Variants in SHISA9 observed in about 807,000 individuals in gnomAD.
SHISA9 encodes the protein protein shisa-9.
In SHISA9, 13 loss-of-function variants were observed where a neutral mutation model predicts 38.0. The ratio of observed to expected loss-of-function variants is 0.34; its 90% CI spans 0.22 to 0.54. The LOEUF (loss-of-function observed/expected upper bound fraction) is 0.54. Ranked by LOEUF, SHISA9 falls within the 20% of genes least tolerant of loss-of-function variation. The pLI, the probability that SHISA9 is intolerant of heterozygous loss-of-function variation, is 0.91. For missense variants in SHISA9, 538 were observed against 575.8 expected (o/e 0.93, Z 0.67); for synonymous variants, 275 against 242.0 (o/e 1.14, Z -1.27).
At chr16:12,939,354 G>A (rs1186164759) in intron 2 of SHISA9, among the ~76,000 whole-genome samples, 1 of 152,182 alleles carries the variant, frequency 6.6e-6, no homozygotes, top group Non-Finnish European at 1.5e-5. Context: ...AAAGTGCTGG[G>A]ATTATAGGAG....
At chr16:12,956,669 C>CA (rs2071839267) in intron 2 of SHISA9, among the ~76,000 whole-genome samples, 1 of 152,072 alleles carries the variant, frequency 6.6e-6, no homozygotes, top group Non-Finnish European at 1.5e-5. Flanking sequence ...GGGAGGTAAA[C>CA]AATGGGTAGA....
At chr16:13,512,017 T>C in the SHISA9 span, among the ~76,000 whole-genome samples, 1 of 151,998 alleles carries the variant, frequency 6.6e-6, no homozygotes, top group South Asian at 2.1e-4. Flanking sequence ...GGAGAGTACT[T>C]AGAAGGGAAC....
At chr16:13,408,575 C>T in the SHISA9 span, among the ~76,000 whole-genome samples, 1 of 152,168 alleles carries the variant, frequency 6.6e-6, no homozygotes, top group Admixed American at 6.5e-5. Flanking sequence ...CTCTCAGCTT[C>T]ACAATTCATT....
chr16:13,473,075 T>G, the SHISA9 span, among the ~76,000 whole-genome samples: 13 of 152,330 alleles, frequency 8.5e-5, no homozygotes, highest in East Asian at 1.2e-3. Context: ...AATTATGCCT[T>G]GTTGGATTCT....
downstream of SHISA9, among the ~76,000 whole-genome samples, chr16:13,243,421 A>G (rs1253369306): frequency 6.6e-6 from 1 of 152,122 alleles, no homozygotes; most frequent in Non-Finnish European, 1.5e-5. Flanking sequence ...GGTTTGGTCC[A>G]GAAAGGCAGG....
chr16:13,460,425 C>A, the SHISA9 span, among the ~76,000 whole-genome samples: 5 of 152,162 alleles, frequency 3.3e-5, no homozygotes, highest in African/African-American at 1.2e-4. Flanking sequence ...CATATTAGCT[C>A]CACTTTACAG....
chr16:13,145,089 T>A (rs2050435374), intron 2 of SHISA9, among the ~76,000 whole-genome samples: 1 of 152,214 alleles, frequency 6.6e-6, no homozygotes, highest in African/African-American at 2.4e-5. Context: ...ATGTGTTCCT[T>A]GCCAGGTGGC....
chr16:13,437,808 A>G, the SHISA9 span, among the ~76,000 whole-genome samples: 1 of 137,542 alleles, frequency 7.3e-6, no homozygotes, highest in Non-Finnish European at 1.6e-5. Context: ...AGGCTTGACA[A>G]TTCCAAGTGG....
chr16:12,983,825 T>G (rs1426479404), intron 2 of SHISA9, among the ~76,000 whole-genome samples: 1 of 152,216 alleles, frequency 6.6e-6, no homozygotes, highest in East Asian at 1.9e-4. Flanking sequence ...TTCACCCTTT[T>G]GAGCTCTGTC....
the SHISA9 span, among the ~76,000 whole-genome samples, chr16:13,485,773 C>G: frequency 6.6e-6 from 1 of 152,166 alleles, no homozygotes; most frequent in Non-Finnish European, 1.5e-5. Flanking sequence ...CCTTAACCAA[C>G]TTTTCTTCAT....
intron 2 of SHISA9, among the ~76,000 whole-genome samples, chr16:12,938,901 T>C (rs968660446): frequency 6.6e-6 from 1 of 152,218 alleles, no homozygotes; most frequent in Non-Finnish European, 1.5e-5. Context: ...GAAAACACAT[T>C]GAGGGCAGCA....
chr16:13,336,867 C>T, the SHISA9 span, among the ~76,000 whole-genome samples: 3 of 152,176 alleles, frequency 2.0e-5, no homozygotes, highest in Admixed American at 1.3e-4. Flanking sequence ...CAAACCTCCA[C>T]ACCCCAAGAA....
At chr16:13,125,041 A>G (rs1301224585) in intron 2 of SHISA9, among the ~76,000 whole-genome samples, 1 of 152,218 alleles carries the variant, frequency 6.6e-6, no homozygotes, top group Admixed American at 6.5e-5. Flanking sequence ...CACAATCTCC[A>G]GGACGTTGAA....
intron 2 of SHISA9, among the ~76,000 whole-genome samples, chr16:13,046,143 C>T (rs548339836): frequency 8.1e-6 from 1 of 124,104 alleles, no homozygotes. Context: ...TTGGGAAAAG[C>T]AGGTTTTCCT....
chr16:13,037,732 G>A (rs1396460308), intron 2 of SHISA9, among the ~76,000 whole-genome samples: 1 of 152,064 alleles, frequency 6.6e-6, no homozygotes, highest in Non-Finnish European at 1.5e-5. Context: ...TTGTTTTTCA[G>A]TATTTTGACC....
At chr16:13,204,228 C>G (rs575949836) in intron 3 of SHISA9, among the ~76,000 whole-genome samples, 1 of 150,656 alleles carries the variant, frequency 6.6e-6, no homozygotes, top group East Asian at 1.9e-4. Flanking sequence ...ATCTATCTAT[C>G]TATCTATCTA....
chr16:13,541,401 C>T, the SHISA9 span, among the ~76,000 whole-genome samples: 5 of 152,140 alleles, frequency 3.3e-5, no homozygotes, highest in Non-Finnish European at 5.9e-5. Context: ...TATAGCCCCA[C>T]AAAATGTGCA....
the SHISA9 span, among the ~76,000 whole-genome samples, chr16:13,461,322 G>C: frequency 3.9e-5 from 6 of 152,158 alleles, no homozygotes; most frequent in Admixed American, 3.9e-4. Context: ...GCTAACACCT[G>C]TAATCCCAGC....
chr16:13,413,820 T>C, the SHISA9 span, among the ~76,000 whole-genome samples: 1 of 143,674 alleles, frequency 7.0e-6, no homozygotes, highest in Non-Finnish European at 1.5e-5. Flanking sequence ...GTTGAGTATA[T>C]ATATTGGGAG....
Sources: gnomAD v4.1 joint callset for allele counts (sites outside exome capture counted in the v4.1 genomes callset) on GRCh38, gnomAD v4.1.1 for gene constraint, MANE v1.5 for transcripts, NCBI Gene and HGNC (gene_info 2026-07-23, HGNC 2026-07-21) for gene names.